The following GJC2 variants were observed in gnomAD, a reference collection of about 807,000 sequenced individuals.
The protein encoded by GJC2 is gap junction gamma-2 protein.
For synonymous variants in GJC2, 336 were observed against 307.5 expected, an observed-to-expected ratio of 1.09 and a Z score of -0.97; for missense variants, 647 against 648.9, an observed-to-expected ratio of 1.00 and a Z score of 0.03.
intron 1 of GJC2, among the ~76,000 whole-genome samples, chr1:228,157,344 G>T (rs1348612640): frequency 3.9e-5 from 6 of 152,130 alleles, no homozygotes; most frequent in Non-Finnish European, 8.8e-5. Context: ...AGCTGGAGGG[G>T]CCAGGAGGGA....
At chr1:228,153,882 A>C (rs1398051819) in intron 1 of GJC2, among the ~76,000 whole-genome samples, 1 of 152,112 alleles carries the variant, frequency 6.6e-6, no homozygotes, top group Non-Finnish European at 1.5e-5. Context: ...TGCCCGGCTT[A>C]AGACCCCATT....
At chr1:228,155,378 A>G (rs531757364) in intron 1 of GJC2, among the ~76,000 whole-genome samples, 2 of 152,302 alleles carry the variant, frequency 1.3e-5, no homozygotes, top group East Asian at 3.9e-4. Flanking sequence ...GCAGGGCAGG[A>G]GTCCTGCTGG....
Position 228,152,728 on chromosome 1 carries a change from C to CAGTATG in GJC2, c.-20+2724_-20+2729dup, listed in dbSNP as rs1431872187. On this transcript the variant is annotated intron_variant, in intron 1 of 1. Coordinates refer to ENST00000366714, the MANE Select transcript of GJC2 (RefSeq NM_020435.4). This position sits in a 1 kb window ranked among gnomAD's most constrained non-coding sequence, Gnocchi z 7.3. ...CGAGCCCCCATGAGACCCTGGTCCCCAGTATGAGAACCCTGTGAGTCCCCG... is the reference window on the plus strand; with the variant it reads ...CGAGCCCCCATGAGACCCTGGTCCCCAGTATGAGTATGAGAACCCTGTGAGTCCCCG... Among the ~76,000 whole-genome samples the CAGTATG allele has an allele frequency of 6.6e-6, 1 of 152,074 alleles. No homozygotes were observed. Among genetic ancestry groups the CAGTATG allele is most frequent in the East Asian group, 1.9e-4 (1 of 5,144 alleles).
At chr1:228,153,669 G>T (rs1414677100) in intron 1 of GJC2, among the ~76,000 whole-genome samples, 1 of 140,264 alleles carries the variant, frequency 7.1e-6, no homozygotes, top group African/African-American at 2.7e-5. Flanking sequence ...TGCAACCTCC[G>T]CCTCCCAGGT....
In GJC2 at chr1:228,158,035, A is replaced by G; in HGVS notation, c.277A>G (p.Met93Val). 6.2e-7 allele frequency: 1 copy of G among 1,610,334 alleles called. No individual in the cohort carries two copies. The highest frequency in any genetic ancestry group is 8.5e-7 in the Non-Finnish European group (1 of 1,179,442). Residue 93 changes from methionine to valine, a missense_variant, in exon 2 of 2, where the codon ATG becomes GTG. Physicochemically the swap from Met to Val is conservative, Grantham distance 21. Transcript: ENST00000366714. The surrounding 1 kb of genome is among the most constrained non-coding windows in gnomAD (Gnocchi z 8.3). ...TGTGGTCATCTCCACGCCCTCGGTCATGTACCTGGGCTACGCCGTGCACCG... is the reference window on the plus strand; with the variant it reads ...TGTGGTCATCTCCACGCCCTCGGTCGTGTACCTGGGCTACGCCGTGCACCG... ...QIVVISTPSV[M>V]YLGYAVHRLA...
Position 228,158,789 on chromosome 1 carries a change from G to A in GJC2, c.1031G>A (p.Arg344Gln), listed in dbSNP as rs2034727652. ...GTGGTGCGGGCGGCCGAGCGCGCTC[G>A]GGCGCATGACCAGAACCTGGCAAAC... ...SLVVRAAERA[R>Q]AHDQNLANLA... Residue 344 changes from arginine (R) to glutamine (Q), a missense_variant, in exon 2 of 2, where the codon CGG becomes CAG. Physicochemically the swap from Arg to Gln is conservative, Grantham distance 43. Coordinates refer to ENST00000366714, the MANE Select transcript of GJC2 (RefSeq NM_020435.4). This position sits in a 1 kb window ranked among gnomAD's most constrained non-coding sequence, Gnocchi z 8.3. 5 of 1,428,652 alleles carry A rather than the reference G, an allele frequency of 3.5e-6. No homozygotes were observed. The highest frequency in any genetic ancestry group is 3.0e-5 in the African/African-American group (2 of 65,634). The allele number at this position is 1,428,652 out of a possible 1,614,324, so 88.5% of individuals were successfully genotyped here. A position where few individuals can be genotyped will look rare whatever the true frequency, so the allele number is the denominator to read the frequency against.
In GJC2 at chr1:228,158,725, G is replaced by A; in HGVS notation, c.967G>A (p.Ala323Thr). The change falls in exon 2 of 2, where the codon GCG (alanine) becomes ACG (threonine). Residue 323 changes from alanine to threonine, a missense_variant. Transcript: ENST00000366714. This position sits in a 1 kb window ranked among gnomAD's most constrained non-coding sequence, Gnocchi z 8.3. The stretch of plus-strand genomic sequence containing the variant: ...GCCCCCGCCCTGCGCCTTCCCTGCG[G>A]CGGCCGCTGGCTTGGCCTGCCCGCC... ...PRPPPCAFPA[A>T]AAGLACPPDY... The A allele has an allele frequency of 1.5e-6, 2 of 1,323,472 alleles. No individual in the cohort carries two copies. The highest frequency in any genetic ancestry group is 1.5e-5 in the South Asian group (1 of 68,100). The allele number at this position is 1,323,472 out of a possible 1,614,324, so 82.0% of individuals were successfully genotyped here.
At chr1:228,157,646 A>C (rs2034702020) in intron 1 of GJC2, 94 bp from the exon 2 acceptor site, 1 of 683,712 alleles carries the variant, frequency 1.5e-6, no homozygotes, top group Non-Finnish European at 2.4e-6. Flanking sequence ...GTAAGCAGAG[A>C]GGGGCCAGCT....
In GJC2 at chr1:228,151,460, AC is replaced by A. The variant is rs1368217921; in HGVS notation, c.-20+1454del. Among the ~76,000 whole-genome samples, 1 of 149,668 alleles carries A rather than the reference AC, an allele frequency of 6.7e-6. No individual in the cohort carries two copies. The highest frequency in any genetic ancestry group is 1.5e-5 in the Non-Finnish European group (1 of 67,294). ...CCTTGCTTTCCTGGGCCTGGTGGGG[AC>A]TCCTGAGGGAGGCACGTGGTGAGGT... On this transcript the variant is annotated intron_variant, in intron 1 of 1. Coordinates refer to ENST00000366714, the MANE Select transcript of GJC2 (RefSeq NM_020435.4). This position sits in a 1 kb window ranked among gnomAD's most constrained non-coding sequence, Gnocchi z 5.4.
Position 228,158,203 on chromosome 1 carries a change from G to A in GJC2, c.445G>A (p.Gly149Ser), listed in dbSNP as rs577325764. The A allele has an allele frequency of 4.8e-4, 717 of 1,480,936 alleles. 3 individuals carry two copies. The African/African-American group carries it at 9.2e-3, about 19-fold the overall frequency. 91.7% of individuals were successfully genotyped at this position (1,480,936 alleles called of 1,614,324 possible). A position where few individuals can be genotyped will look rare whatever the true frequency, so the allele number is the denominator to read the frequency against. ...CCTGGGCGAGGAGGAGCCCATGCTG[G>A]GCCTGGGCGAGGAGGAGGAGGAGGA... ...ADLGEEEPMLGLGEEEEEEET... is the reference protein window; with the variant it reads ...ADLGEEEPMLSLGEEEEEEET... Residue 149 changes from glycine (G) to serine (S), a missense_variant, in exon 2 of 2, where the codon GGC (glycine) becomes AGC (serine). Coordinates refer to ENST00000366714, the MANE Select transcript of GJC2 (RefSeq NM_020435.4). This position sits in a 1 kb window ranked among gnomAD's most constrained non-coding sequence, Gnocchi z 8.3.
In GJC2 at chr1:228,158,595, G is replaced by A. The variant is rs754510168; in HGVS notation, c.837G>A (p.Leu279=). ...TGTACGTGGTCAGCTGCCTGTGCCTGCTGCTCAACCTCTGTGAGATGGCCC... is the reference window on the plus strand; with the variant it reads ...TGTACGTGGTCAGCTGCCTGTGCCTACTGCTCAACCTCTGTGAGATGGCCC... ...LVMYVVSCLC[L]LLNLCEMAHL... The change falls in exon 2 of 2, where the codon CTG becomes CTA. Residue 279 remains leucine, a synonymous_variant. Coordinates refer to ENST00000366714, the MANE Select transcript of GJC2 (RefSeq NM_020435.4). The surrounding 1 kb of genome is among the most constrained non-coding windows in gnomAD (Gnocchi z 8.3). 2 of 1,611,752 alleles carry A rather than the reference G, an allele frequency of 1.2e-6. No individual in the cohort carries two copies. The highest frequency in any genetic ancestry group is 1.7e-6 in the Non-Finnish European group (2 of 1,179,194).
At chr1:228,157,204 C>T (rs1010649710) in intron 1 of GJC2, among the ~76,000 whole-genome samples, 4 of 152,198 alleles carry the variant, frequency 2.6e-5, no homozygotes, top group African/African-American at 9.6e-5. Flanking sequence ...AGCAGGGCCT[C>T]TGGGGGCCGA....
Position 228,152,371 on chromosome 1 carries a change from G to T in GJC2, c.-20+2364G>T, listed in dbSNP as rs1459494732. Among the ~76,000 whole-genome samples, 1 of 152,120 alleles carries T rather than the reference G, an allele frequency of 6.6e-6. No homozygotes were observed. Among genetic ancestry groups the T allele is most frequent in the Admixed American group, 6.5e-5 (1 of 15,282 alleles). On this transcript the variant is annotated intron_variant, in intron 1 of 1. Coordinates refer to ENST00000366714, the MANE Select transcript of GJC2 (RefSeq NM_020435.4). This position sits in a 1 kb window ranked among gnomAD's most constrained non-coding sequence, Gnocchi z 7.3. ...CCTGTGCTACACCCAGCAGGGCGGG[G>T]CTCGTTCTGCAGTGCCTCAGGACCC...
chr1:228,155,718 G>A (rs1490740346), intron 1 of GJC2, among the ~76,000 whole-genome samples: 1 of 152,164 alleles, frequency 6.6e-6, no homozygotes, highest in Non-Finnish European at 1.5e-5. Flanking sequence ...CCAGAGCTAA[G>A]TGCCAGCCCT....
At position 228,158,696 on chromosome 1, in the gene GJC2, C is replaced by G; in HGVS notation, c.938C>G (p.Pro313Arg). ...GPPASAPAPAPRPPPCAFPAA... is the reference protein window; with the variant it reads ...GPPASAPAPARRPPPCAFPAA... ...CCGGCCTCCGCCCCCGCCCCCGCGC[C>G]GCGGCCCCCGCCCTGCGCCTTCCCT... The change falls in exon 2 of 2, where the codon CCG (proline) becomes CGG (arginine). Residue 313 changes from proline (P) to arginine (R), a missense_variant. Physicochemically the swap from Pro to Arg is moderately radical, Grantham distance 103. Coordinates refer to ENST00000366714, the MANE Select transcript of GJC2 (RefSeq NM_020435.4). This position sits in a 1 kb window ranked among gnomAD's most constrained non-coding sequence, Gnocchi z 8.3. The G allele has an allele frequency of 9.3e-7, 1 of 1,071,984 alleles. No homozygotes were observed. The highest frequency in any genetic ancestry group is 1.1e-6 in the Non-Finnish European group (1 of 885,168). 66.4% of individuals were successfully genotyped at this position (1,071,984 alleles called of 1,614,324 possible). A position where few individuals can be genotyped will look rare whatever the true frequency, so the allele number is the denominator to read the frequency against.
At position 228,157,887 on chromosome 1, in the gene GJC2, C is replaced by T. The variant is rs2034706367; in HGVS notation, c.129C>T (p.Gly43=). ...VFRIVLTAVG[G]EAIYSDEQAK... The stretch of plus-strand genomic sequence containing the variant: ...GCATCGTGCTGACGGCTGTGGGCGG[C>T]GAGGCCATCTACTCGGACGAGCAGG... Residue 43 remains glycine, a synonymous_variant, in exon 2 of 2, where the codon GGC becomes GGT. Transcript: ENST00000366714. The T allele has an allele frequency of 6.2e-7, 1 of 1,612,310 alleles. No homozygotes were observed. The highest frequency in any genetic ancestry group is 2.2e-5 in the East Asian group (1 of 44,862).
At position 228,158,936 on chromosome 1, in the gene GJC2, G is replaced by A. The variant is rs1312305366; in HGVS notation, c.1178G>A (p.Arg393Gln). The change falls in exon 2 of 2, where the codon CGG (arginine) becomes CAG (glutamine). Residue 393 changes from arginine (R) to glutamine (Q), a missense_variant. Coordinates refer to ENST00000366714, the MANE Select transcript of GJC2 (RefSeq NM_020435.4). The surrounding 1 kb of genome is among the most constrained non-coding windows in gnomAD (Gnocchi z 8.3). ...GPPRAGAPAS[R>Q]TGSATSAGTV... The stretch of plus-strand genomic sequence containing the variant: ...CCCAGAGCAGGCGCCCCCGCGTCCC[G>A]GACGGGCAGTGCTACCTCTGCGGGC... 24 of 1,541,570 alleles carry A rather than the reference G, an allele frequency of 1.6e-5. No individual in the cohort carries two copies. The highest frequency in any genetic ancestry group is 2.0e-5 in the Non-Finnish European group (23 of 1,148,232).
chr1:228,155,964 C>G (rs1250863920), intron 1 of GJC2, among the ~76,000 whole-genome samples: 1 of 152,250 alleles, frequency 6.6e-6, no homozygotes, highest in African/African-American at 2.4e-5. Flanking sequence ...GGCCTCCTGC[C>G]CCATCTCTCC....
In GJC2 at chr1:228,159,595, C is replaced by T. The variant is rs2034742887; in HGVS notation, c.*517C>T. 5.9e-6 allele frequency: 1 copy of T among 170,632 alleles called. No homozygotes were observed. The highest frequency in any genetic ancestry group is 1.9e-4 in the South Asian group (1 of 5,156). 10.6% of individuals were successfully genotyped at this position (170,632 alleles called of 1,614,324 possible). A position where few individuals can be genotyped will look rare whatever the true frequency, so the allele number is the denominator to read the frequency against. Reference sequence around the variant, plus strand: ...CCTGGGGTGGACAGGACCATACCCTCTTTGAGCTTCTGCGATGCCGGCCTT... The same window carrying T: ...CCTGGGGTGGACAGGACCATACCCTTTTTGAGCTTCTGCGATGCCGGCCTT... On this transcript the variant is annotated 3_prime_UTR_variant, in exon 2 of 2. Coordinates refer to ENST00000366714, the MANE Select transcript of GJC2 (RefSeq NM_020435.4). This position sits in a 1 kb window ranked among gnomAD's most constrained non-coding sequence, Gnocchi z 4.0.
Sources: gnomAD v4.1 joint callset for allele counts (sites outside exome capture counted in the v4.1 genomes callset) on GRCh38, gnomAD v4.1.1 for gene constraint, Gnocchi (gnomAD v3.1) non-coding constraint, MANE v1.5 for transcripts, NCBI Gene and HGNC (gene_info 2026-07-23, HGNC 2026-07-21) for gene names.